PTPRN2: variants seen among roughly 807,000 people sequenced by gnomAD.
PTPRN2 encodes the protein receptor-type tyrosine-protein phosphatase N2.
PTPRN2 carries 74 observed loss-of-function variants against 118.8 expected under a neutral mutation model. The observed-to-expected ratio is 0.62, with a 90% CI of 0.52 to 0.76. The LOEUF (loss-of-function observed/expected upper bound fraction) is 0.76, where lower values mean the gene tolerates loss of function less well. PTPRN2 is among the 30% of genes least tolerant of loss of function. The probability of loss-of-function intolerance (pLI) is 0.00; values close to 1 mark genes in which losing one functional copy is unlikely to be tolerated. For missense variants in PTPRN2, 1,481 were observed against 1,394.4 expected, an observed-to-expected ratio of 1.06 and a Z score of -0.99; for synonymous variants, 641 against 608.0, an observed-to-expected ratio of 1.05 and a Z score of -0.80.
At chr7:157,802,250 C>T (rs538006027) in intron 12 of PTPRN2, among the ~76,000 whole-genome samples, 11 of 152,358 alleles carry the variant, frequency 7.2e-5, no homozygotes, top group South Asian at 4.1e-4. Flanking sequence ...CTTCCCCCAG[C>T]GCCAGACCCG....
intron 4 of PTPRN2, among the ~76,000 whole-genome samples, chr7:158,203,240 A>AG (rs1252980312): frequency 6.6e-6 from 1 of 150,706 alleles, no homozygotes; most frequent in Non-Finnish European, 1.5e-5. Flanking sequence ...AAAAAAAAAA[A>AG]AAAAAAAAAA....
intron 12 of PTPRN2, among the ~76,000 whole-genome samples, chr7:157,746,493 A>C (rs1301145878): frequency 3.5e-5 from 4 of 112,844 alleles, no homozygotes; most frequent in African/African-American, 7.1e-5. Flanking sequence ...AGATCACGGG[A>C]CTCCCTGCAC....
chr7:157,636,545 A>G (rs1804331820), intron 14 of PTPRN2, among the ~76,000 whole-genome samples: 1 of 152,252 alleles, frequency 6.6e-6, no homozygotes, highest in Non-Finnish European at 1.5e-5. Context: ...TTAGAAGTTT[A>G]AAATGTCTAC....
chr7:157,688,571 C>T (rs1203372220), intron 12 of PTPRN2, among the ~76,000 whole-genome samples: 3 of 152,220 alleles, frequency 2.0e-5, no homozygotes, highest in Admixed American at 2.0e-4. Flanking sequence ...CCCGCCTGGT[C>T]CCCAGGCCTG....
At chr7:158,262,686 ACATT>A (rs1797543811) in intron 3 of PTPRN2, among the ~76,000 whole-genome samples, 2 of 151,170 alleles carry the variant, frequency 1.3e-5, no homozygotes, top group Admixed American at 6.6e-5. Context: ...ACACATACAC[ACATT>A]CACACACACT....
chr7:158,016,904 C>G (rs1362364928), intron 11 of PTPRN2, among the ~76,000 whole-genome samples: 1 of 152,148 alleles, frequency 6.6e-6, no homozygotes, highest in South Asian at 2.1e-4. Flanking sequence ...ACATGATAAC[C>G]GGGCTTCACC....
At chr7:158,393,371 T>A (rs545545322) in intron 2 of PTPRN2, among the ~76,000 whole-genome samples, 5 of 152,168 alleles carry the variant, frequency 3.3e-5, no homozygotes, top group Non-Finnish European at 1.5e-5. Context: ...TTAAACATCA[T>A]CACCAGGGGG....
chr7:157,952,958 G>A (rs1209652065), intron 11 of PTPRN2, among the ~76,000 whole-genome samples: 1 of 151,976 alleles, frequency 6.6e-6, no homozygotes, highest in Non-Finnish European at 1.5e-5. Flanking sequence ...AGAAAGCCAT[G>A]CACACAGTGA....
chr7:158,081,670 T>G (rs1472082297), intron 10 of PTPRN2, among the ~76,000 whole-genome samples: 2 of 152,202 alleles, frequency 1.3e-5, no homozygotes, highest in Non-Finnish European at 2.9e-5. Flanking sequence ...CAAGCAGATA[T>G]TCTTGCTAGA....
chr7:158,289,412 C>T (rs76887023), intron 3 of PTPRN2, among the ~76,000 whole-genome samples: 36 of 152,238 alleles, frequency 2.4e-4, no homozygotes, highest in South Asian at 6.2e-4. Context: ...TTTAAGTTCA[C>T]GGATTCTGTT....
At chr7:157,968,852 A>G (rs754984248) in intron 11 of PTPRN2, among the ~76,000 whole-genome samples, 1 of 152,202 alleles carries the variant, frequency 6.6e-6, no homozygotes, top group Non-Finnish European at 1.5e-5. Flanking sequence ...GATGGGATAT[A>G]TGGGAACTAA....
At chr7:158,263,166 TCA>T (rs201151462) in intron 3 of PTPRN2, among the ~76,000 whole-genome samples, 28 of 145,192 alleles carry the variant, frequency 1.9e-4, no homozygotes, top group African/African-American at 3.1e-4. Flanking sequence ...AGTCACACAT[TCA>T]CACACACTGC....
chr7:158,329,941 T>A (rs955635693), intron 2 of PTPRN2, among the ~76,000 whole-genome samples: 22 of 151,970 alleles, frequency 1.4e-4, no homozygotes, highest in African/African-American at 4.8e-4. Context: ...TGCAACCAAC[T>A]CACAAAATCC....
intron 12 of PTPRN2, among the ~76,000 whole-genome samples, chr7:157,827,745 C>T (rs977755379): frequency 2.0e-5 from 3 of 152,026 alleles, no homozygotes; most frequent in South Asian, 4.1e-4. Flanking sequence ...GTCTCCACTA[C>T]GACTCACCGT....
At chr7:157,723,129 G>A (rs1039610241) in intron 12 of PTPRN2, among the ~76,000 whole-genome samples, 1 of 152,198 alleles carries the variant, frequency 6.6e-6, no homozygotes, top group Non-Finnish European at 1.5e-5. Context: ...CTTCAAAGAG[G>A]AACTCACACA....
chr7:157,638,334 A>G (rs993808663), intron 14 of PTPRN2, among the ~76,000 whole-genome samples: 2 of 151,654 alleles, frequency 1.3e-5, no homozygotes, highest in African/African-American at 4.8e-5. Flanking sequence ...CAAAGTTAAT[A>G]TCCAGCTCTT....
rs980632642 is a variant in PTPRN2 at position 157,729,337 on chromosome 7, G to C, written c.1789-46400C>G. ...TGAGCACAGTGGCTGGAGTCTGTGC[G>C]GTGGCTGGAACCCTGGGCTCTGGAG... On this transcript the variant is annotated intron_variant, in intron 12 of 22. Coordinates refer to ENST00000389418, the MANE Select transcript of PTPRN2 (RefSeq NM_002847.5). This position sits in a 1 kb window ranked among gnomAD's most constrained non-coding sequence, Gnocchi z 4.3. 3.3e-5 allele frequency among the ~76,000 whole-genome samples: 5 copies of C among 152,240 alleles called. No individual in the cohort carries two copies. The East Asian group carries it at 9.7e-4, about 29-fold the overall frequency.
intron 2 of PTPRN2, among the ~76,000 whole-genome samples, chr7:158,322,428 C>T (rs1234141942): frequency 6.6e-6 from 1 of 152,242 alleles, no homozygotes; most frequent in African/African-American, 2.4e-5. Context: ...CTGAGGACAT[C>T]GAGGACACTC....
chr7:158,296,663 G>A (rs532791064), intron 3 of PTPRN2, among the ~76,000 whole-genome samples: 5 of 152,314 alleles, frequency 3.3e-5, no homozygotes, highest in South Asian at 4.1e-4. Context: ...CAGCCTGCCC[G>A]TCTGTATGCT....
Sources: gnomAD v4.1 joint callset for allele counts (sites outside exome capture counted in the v4.1 genomes callset) on GRCh38, gnomAD v4.1.1 for gene constraint, Gnocchi (gnomAD v3.1) non-coding constraint, MANE v1.5 for transcripts, NCBI Gene and HGNC (gene_info 2026-07-23, HGNC 2026-07-21) for gene names.